The following RYR2 variants were observed in gnomAD, a reference collection of about 807,000 sequenced individuals.
RYR2 encodes the protein cardiac muscle ryanodine receptor-calcium release channel.
Under a neutral mutation model 601.1 loss-of-function variants are expected in RYR2, and 227 were observed. The ratio of observed to expected loss-of-function variants is 0.38; its 90% CI spans 0.34 to 0.42. The LOEUF (loss-of-function observed/expected upper bound fraction) is 0.42. Ranked by LOEUF, RYR2 falls within the 10% of genes least tolerant of loss-of-function variation. The pLI, the probability that RYR2 is intolerant of heterozygous loss-of-function variation, is 1.00. For synonymous variants in RYR2, 2,223 were observed against 2,175.1 expected (o/e 1.02, Z -0.61); for missense variants, 4,646 against 6,156.5 (o/e 0.75, Z 8.21).
rs61131096 is a variant in RYR2, at chr1:237,584,649, G to GT, written c.3599-5120dup. 7.9e-3 allele frequency among the ~76,000 whole-genome samples: 574 copies of GT among 72,468 alleles called. 58 individuals carry two copies. The highest frequency in any genetic ancestry group is 0.059 in the Middle Eastern group (4 of 68). The allele number at this position is 72,468 out of a possible 152,430, so 47.5% of individuals were successfully genotyped here. On this transcript the variant is annotated intron_variant, in intron 29 of 104. Transcript: ENST00000366574. ...AAGGCCCAAATCCAGCTCACCACCTGTTTTTTTTTTTTTTTTTTTTTTTTG... is the reference window on the plus strand; with the variant it reads ...AAGGCCCAAATCCAGCTCACCACCTGTTTTTTTTTTTTTTTTTTTTTTTTTG...
At chr1:237,505,141 T>G (rs1262416286) in intron 22 of RYR2, among the ~76,000 whole-genome samples, 1 of 152,214 alleles carries the variant, frequency 6.6e-6, no homozygotes, top group African/African-American at 2.4e-5. Flanking sequence ...TTAGGGGAGC[T>G]GCTCACCTTC....
chr1:237,681,471 T>A (rs1461193647), intron 62 of RYR2, among the ~76,000 whole-genome samples: 1 of 152,188 alleles, frequency 6.6e-6, no homozygotes, highest in Admixed American at 6.5e-5. Context: ...GAATTGTCAG[T>A]TCATCTCTTT....
intron 73 of RYR2, among the ~76,000 whole-genome samples, chr1:237,721,791 A>G (rs986685094): frequency 2.0e-5 from 3 of 152,168 alleles, no homozygotes. Context: ...AAGTGCTGGG[A>G]TTACAGGAGT....
Position 237,486,391 on chromosome 1 carries a change from T to G in RYR2, c.1709-5415T>G, listed in dbSNP as rs538283650. On this transcript the variant is annotated intron_variant, in intron 17 of 104. Transcript: ENST00000366574. ...CCAACCCTAGTTTATTGCTGTACAA[T>G]ACTTAATTCTAGTATAAACTCTCAG... Among the ~76,000 whole-genome samples, 116 of 152,326 alleles carry G rather than the reference T, an allele frequency of 7.6e-4. 1 individual carries two copies. The highest frequency in any genetic ancestry group is 2.7e-3 in the African/African-American group (114 of 41,580).
In RYR2 at chr1:237,511,493, C is replaced by G. The variant is rs1054156161; in HGVS notation, c.2719-195C>G. ...GCTCTGTCAAACAGAAGGGAAGGAA[C>G]GAAGATAATGCCAGCTTTTACCAGT... On this transcript the variant is annotated intron_variant, in intron 23 of 104. Transcript: ENST00000366574. Among the ~76,000 whole-genome samples the G allele has an allele frequency of 4.6e-5, 7 of 151,874 alleles. No homozygotes were observed. In the East Asian group the frequency reaches 1.2e-3, roughly 25 times the overall value.
chr1:237,137,421 T>G (rs1672915055), intron 1 of RYR2, among the ~76,000 whole-genome samples: 1 of 152,242 alleles, frequency 6.6e-6, no homozygotes, highest in Non-Finnish European at 1.5e-5. Flanking sequence ...TACTGTGAGA[T>G]ATCCTTTCCT....
intron 17 of RYR2, among the ~76,000 whole-genome samples, chr1:237,473,792 C>A (rs1661056490): frequency 6.6e-6 from 1 of 152,060 alleles, no homozygotes; most frequent in Non-Finnish European, 1.5e-5. Flanking sequence ...CATCTTTACT[C>A]CAGGCAAGAG....
At chr1:237,058,396 A>T (rs1054271757) in intron 1 of RYR2, among the ~76,000 whole-genome samples, 1 of 152,204 alleles carries the variant, frequency 6.6e-6, no homozygotes, top group African/African-American at 2.4e-5. Flanking sequence ...TGTAATTGGC[A>T]CTATGCTGTA....
chr1:237,700,019 A>T (rs1200556042), intron 64 of RYR2, among the ~76,000 whole-genome samples: 1 of 152,230 alleles, frequency 6.6e-6, no homozygotes, highest in Non-Finnish European at 1.5e-5. Flanking sequence ...TAATAAGTTG[A>T]CTATGAAGGC....
chr1:237,048,682 G>A (rs374125819), intron 1 of RYR2, among the ~76,000 whole-genome samples: 1 of 152,260 alleles, frequency 6.6e-6, no homozygotes, highest in South Asian at 2.1e-4. Context: ...TTAATAAAAT[G>A]TATGGAACTG....
intron 62 of RYR2, among the ~76,000 whole-genome samples, chr1:237,681,259 A>G (rs1184343668): frequency 6.6e-6 from 1 of 152,252 alleles, no homozygotes; most frequent in Non-Finnish European, 1.5e-5. Context: ...CAAAATTTCT[A>G]TAAAAGTGAA....
At chr1:237,382,821 G>T (rs1442143956) in intron 8 of RYR2, among the ~76,000 whole-genome samples, 1 of 151,756 alleles carries the variant, frequency 6.6e-6, no homozygotes, top group East Asian at 1.9e-4. Flanking sequence ...TTAATTTGCT[G>T]TGAGCCTTTC....
chr1:237,558,134 G>T (rs1390768004), intron 27 of RYR2, among the ~76,000 whole-genome samples: 1 of 152,162 alleles, frequency 6.6e-6, no homozygotes, highest in Non-Finnish European at 1.5e-5. Context: ...TGGGTAAAGG[G>T]ATTGGCCTCC....
rs570743152 is a variant in RYR2, at chr1:237,614,426, C to T, written c.5298C>T (p.Pro1766=). 8.1e-6 allele frequency: 13 copies of T among 1,614,032 alleles called. No homozygotes were observed. The Admixed American group carries it at 8.3e-5, about 10-fold the overall frequency. The stretch of plus-strand genomic sequence containing the variant: ...GGCCACGGATGCAGTTTTCCTCCCC[C>T]AGTTTTGTAAGCATTAGTAATGAAT... ...SLRPRMQFSS[P]SFVSISNECY... is the part of the protein sequence containing the mutation. The change falls in exon 37 of 105, where the codon CCC becomes CCT. Residue 1766 remains proline (P), a synonymous_variant. Coordinates refer to ENST00000366574, the MANE Select transcript of RYR2 (RefSeq NM_001035.3). The surrounding 1 kb of genome is among the most constrained non-coding windows in gnomAD (Gnocchi z 4.3).
chr1:237,736,527 A>T (rs1169626120), intron 79 of RYR2, among the ~76,000 whole-genome samples: 1 of 152,048 alleles, frequency 6.6e-6, no homozygotes, highest in Non-Finnish European at 1.5e-5. Context: ...TGCCAGGATA[A>T]TGGGAGGTTG....
chr1:237,593,666 G>A (rs1449959019), intron 33 of RYR2, 30 bp downstream of exon 33: 1 of 1,609,964 alleles, frequency 6.2e-7, no homozygotes, highest in Non-Finnish European at 8.5e-7. Context: ...TTGCAAGAAT[G>A]ACATGTGAAA....
Position 237,778,648 on chromosome 1 carries a change from T to C in RYR2, c.11776-18T>C. 1 of 1,372,310 alleles carries C rather than the reference T, an allele frequency of 7.3e-7. No individual in the cohort carries two copies. Among genetic ancestry groups the C allele is most frequent in the Non-Finnish European group, 1.0e-6 (1 of 974,014 alleles). 85.0% of individuals were successfully genotyped at this position (1,372,310 alleles called of 1,614,324 possible). A position where few individuals can be genotyped will look rare whatever the true frequency, so the allele number is the denominator to read the frequency against. ...TAAATTATGAGGAATAATTGCCGTT[T>C]GTCTGTTTATGCTCCAGGGTCCTTG... On this transcript the variant is annotated intron_variant, in intron 87 of 104. Transcript: ENST00000366574.
At chr1:237,542,474 A>G (rs1669402438) in intron 25 of RYR2, among the ~76,000 whole-genome samples, 1 of 152,092 alleles carries the variant, frequency 6.6e-6, no homozygotes, top group African/African-American at 2.4e-5. Context: ...TGTTCTGGGT[A>G]CTCACCTGAT....
intron 68 of RYR2, among the ~76,000 whole-genome samples, chr1:237,708,454 T>C (rs901958643): frequency 1.3e-5 from 2 of 152,166 alleles, no homozygotes; most frequent in African/African-American, 4.8e-5. Context: ...GTGCCAAGGA[T>C]GGGGATAGTT....
Sources: allele counts gnomAD v4.1 joint callset (sites outside exome capture counted in the v4.1 genomes callset), GRCh38; gene constraint gnomAD v4.1.1; non-coding constraint Gnocchi (gnomAD v3.1); transcripts MANE v1.5; gene names NCBI Gene and HGNC (gene_info 2026-07-23, HGNC 2026-07-21).